The following DPP10 variants were observed in gnomAD, a reference collection of about 807,000 sequenced individuals.
The protein encoded by DPP10 is dipeptidyl peptidase like 10.
Under a neutral mutation model 120.9 loss-of-function variants are expected in DPP10, and 33 were observed. The observed-to-expected ratio is 0.27, with a 90% CI of 0.21 to 0.37. The LOEUF is 0.37. DPP10 is among the 10% of genes least tolerant of loss of function. The pLI is 1.00. For synonymous variants in DPP10, 337 were observed against 326.1 expected (o/e 1.03, Z -0.36); for missense variants, 816 against 942.8 (o/e 0.87, Z 1.76).
intron 1 of DPP10, among the ~76,000 whole-genome samples, chr2:114,760,554 A>T (rs1275740741): frequency 1.3e-5 from 2 of 150,920 alleles, no homozygotes; most frequent in Admixed American, 6.6e-5. Context: ...ATATATATAT[A>T]TTTTCCTAGG....
At chr2:115,628,978 A>C (rs2085604364) in intron 5 of DPP10, among the ~76,000 whole-genome samples, 1 of 151,534 alleles carries the variant, frequency 6.6e-6, no homozygotes, top group African/African-American at 2.4e-5. Context: ...CCCCTACCCC[A>C]CGACAGGCCC....
chr2:115,083,045 AACAATCTATAC>A (rs1269383369), intron 1 of DPP10, among the ~76,000 whole-genome samples: 1 of 152,194 alleles, frequency 6.6e-6, no homozygotes, highest in Non-Finnish European at 1.5e-5. Context: ...ATTATTCGTA[AACAATCTATAC>A]TCTTTTAGTG....
intron 3 of DPP10, among the ~76,000 whole-genome samples, chr2:115,388,577 T>C (rs1246218827): frequency 6.6e-6 from 1 of 152,228 alleles, no homozygotes; most frequent in Non-Finnish European, 1.5e-5. Context: ...GTGATTCAAC[T>C]AGCTCTGCTT....
chr2:115,002,321 C>T (rs557730981), intron 1 of DPP10, among the ~76,000 whole-genome samples: 47 of 152,110 alleles, frequency 3.1e-4, no homozygotes, highest in African/African-American at 8.7e-4. Flanking sequence ...ATTAGCCATA[C>T]GGAGTGGTTT....
chr2:115,437,941 A>G (rs2071644429), intron 3 of DPP10, among the ~76,000 whole-genome samples: 1 of 152,124 alleles, frequency 6.6e-6, no homozygotes, highest in South Asian at 2.1e-4. Context: ...CATATTGCCA[A>G]ACAGCTCACA....
chr2:115,298,284 T>C (rs911088188), intron 1 of DPP10, among the ~76,000 whole-genome samples: 2 of 152,078 alleles, frequency 1.3e-5, no homozygotes, highest in Non-Finnish European at 1.5e-5. Flanking sequence ...TAGTTAGGCT[T>C]ATAATTATGC....
chr2:115,640,898 A>T (rs1464346764), intron 5 of DPP10, among the ~76,000 whole-genome samples: 1 of 152,194 alleles, frequency 6.6e-6, no homozygotes, highest in East Asian at 1.9e-4. Context: ...TTTCAATTTC[A>T]CAGTGTTTAT....
chr2:115,495,663 T>C (rs2076357258), intron 3 of DPP10, among the ~76,000 whole-genome samples: 1 of 152,100 alleles, frequency 6.6e-6, no homozygotes, highest in African/African-American at 2.4e-5. Flanking sequence ...GTCAGCCAAA[T>C]TATGGGAAAA....
chr2:115,562,475 A>C (rs915101205), intron 5 of DPP10, among the ~76,000 whole-genome samples: 2 of 152,100 alleles, frequency 1.3e-5, no homozygotes, highest in Non-Finnish European at 2.9e-5. Context: ...CAAAAGTTCC[A>C]CACTCATTTT....
intron 1 of DPP10, among the ~76,000 whole-genome samples, chr2:114,743,594 C>G (rs969588709): frequency 6.6e-6 from 1 of 152,184 alleles, no homozygotes; most frequent in African/African-American, 2.4e-5. Context: ...AAGAGCTCAG[C>G]ATCCTTAGCC....
chr2:114,734,627 T>C (rs1444311493), intron 1 of DPP10, among the ~76,000 whole-genome samples: 1 of 152,210 alleles, frequency 6.6e-6, no homozygotes, highest in East Asian at 1.9e-4. Flanking sequence ...TCACAGGCCA[T>C]GGTCACTCAT....
At chr2:115,380,586 C>T (rs1353461958) in intron 3 of DPP10, among the ~76,000 whole-genome samples, 2 of 151,598 alleles carry the variant, frequency 1.3e-5, no homozygotes, top group African/African-American at 4.8e-5. Flanking sequence ...TGAATTTGAT[C>T]CTGTCATTAT....
At chr2:115,488,944 A>T (rs1382474581) in intron 3 of DPP10, among the ~76,000 whole-genome samples, 1 of 152,078 alleles carries the variant, frequency 6.6e-6, no homozygotes. Flanking sequence ...AAACAAAGAA[A>T]CAAAAAACAT....
At chr2:114,805,442 C>T (rs1684643374) in intron 1 of DPP10, among the ~76,000 whole-genome samples, 1 of 152,120 alleles carries the variant, frequency 6.6e-6, no homozygotes, top group Non-Finnish European at 1.5e-5. Flanking sequence ...GAGGTTTGGG[C>T]AACTTCTCCT....
At chr2:115,435,980 G>A (rs2071458540) in intron 3 of DPP10, among the ~76,000 whole-genome samples, 2 of 151,740 alleles carry the variant, frequency 1.3e-5, no homozygotes, top group South Asian at 4.1e-4. Context: ...CTTGGCACCT[G>A]TCTAGTGGAC....
intron 1 of DPP10, among the ~76,000 whole-genome samples, chr2:115,165,404 A>G (rs971599865): frequency 2.6e-5 from 4 of 152,200 alleles, no homozygotes; most frequent in Admixed American, 2.6e-4. Flanking sequence ...TAAGAATGAA[A>G]ATAATTGCAA....
intron 1 of DPP10, among the ~76,000 whole-genome samples, chr2:114,483,362 A>G (rs568912561): frequency 6.6e-6 from 1 of 152,246 alleles, no homozygotes; most frequent in Admixed American, 6.5e-5. Context: ...TACCATGTAG[A>G]CAGTTTGAAA....
intron 1 of DPP10, among the ~76,000 whole-genome samples, chr2:115,013,705 G>A (rs1702429105): frequency 6.8e-6 from 1 of 147,806 alleles, no homozygotes. Flanking sequence ...TCTAGTCTCT[G>A]ATAAAACAGA....
At chr2:115,432,659 T>TTTTTTGTG (rs1219114609) in intron 3 of DPP10, among the ~76,000 whole-genome samples, 2 of 137,672 alleles carry the variant, frequency 1.5e-5, no homozygotes, top group Non-Finnish European at 3.1e-5. Context: ...ATAGGCAATT[T>TTTTTTGTG]TGTGTGTGTG....
Sources: gnomAD v4.1 joint callset for allele counts (sites outside exome capture counted in the v4.1 genomes callset) on GRCh38, gnomAD v4.1.1 for gene constraint, MANE v1.5 for transcripts, NCBI Gene and HGNC (gene_info 2026-07-23, HGNC 2026-07-21) for gene names.